COPB1: variants seen among roughly 807,000 people sequenced by gnomAD.
COPB1 encodes the protein coatomer subunit beta.
In COPB1, 21 loss-of-function variants were observed where a neutral mutation model predicts 108.7. The ratio of observed to expected loss-of-function variants is 0.19; its 90% CI spans 0.14 to 0.28. The LOEUF is 0.28. Among genes scored for constraint, COPB1 ranks in the 10% least tolerant of loss-of-function variants. The pLI is 1.00. For missense variants in COPB1, 919 were observed against 1,141.3 expected (o/e 0.81, Z 2.81); for synonymous variants, 378 against 386.8 (o/e 0.98, Z 0.27).
intron 5 of COPB1, among the ~76,000 whole-genome samples, chr11:14,490,081 T>C (rs879685926): frequency 1.6e-4 from 25 of 152,160 alleles, no homozygotes; most frequent in Non-Finnish European, 1.9e-4. Context: ...TACAGAGTAA[T>C]TGCTAACCAA....
chr11:14,479,539 A>G (rs1850610087), intron 11 of COPB1, 30 bp downstream of exon 11: 1 of 1,578,930 alleles, frequency 6.3e-7, no homozygotes, highest in African/African-American at 1.4e-5. Context: ...TGCTTACTTG[A>G]CCTTACATTT....
chr11:14,470,877 A>G (rs2134102456), intron 14 of COPB1, among the ~76,000 whole-genome samples: 1 of 151,232 alleles, frequency 6.6e-6, no homozygotes, highest in Admixed American at 6.6e-5. Context: ...AAAAGGAGAA[A>G]ATCTAAAACC....
intron 6 of COPB1, among the ~76,000 whole-genome samples, chr11:14,487,327 AG>A (rs2075542524): frequency 6.6e-6 from 1 of 152,200 alleles, no homozygotes; most frequent in Non-Finnish European, 1.5e-5. Context: ...ATTAGATAGC[AG>A]GGAACCGCTA....
At chr11:14,482,825 C>T (rs754081986) in intron 8 of COPB1, among the ~76,000 whole-genome samples, 18 of 152,152 alleles carry the variant, frequency 1.2e-4, no homozygotes, top group Non-Finnish European at 2.1e-4. Context: ...CGTGAGCCAC[C>T]GCGTCCAGCC....
At position 14,494,458 on chromosome 11, in the gene COPB1, T is replaced by TAAAAAAA. The variant is rs201780513; in HGVS notation, c.92-26_92-20dup. ...CCTTTTTCTGAATCAAAAATTTTTT[T>TAAAAAAA]AAAAAAAAGCACAATTATTTCAAAA... On this transcript the variant is annotated intron_variant, in intron 2 of 21. Coordinates refer to ENST00000439561, the MANE Select transcript of COPB1 (RefSeq NM_001144061.2). 7.8e-7 allele frequency: 1 copy of TAAAAAAA among 1,275,318 alleles called. No homozygotes were observed. 79.0% of individuals were successfully genotyped at this position (1,275,318 alleles called of 1,614,324 possible). A position where few individuals can be genotyped will look rare whatever the true frequency, so the allele number is the denominator to read the frequency against.
chr11:14,478,902 G>A (rs1850591347), intron 11 of COPB1: 1 of 133,456 alleles, frequency 7.5e-6, no homozygotes, highest in Non-Finnish European at 1.5e-5. Flanking sequence ...TAATGTCATA[G>A]CTCTTTTAAA....
At position 14,486,523 on chromosome 11, in the gene COPB1, A is replaced by G. The variant is rs1166588760; in HGVS notation, c.700-19T>C. ...GACAGACCTGGAGAAGAAAACATTA[A>G]CATTTCAACCGATTTCAGGAACGCT... On this transcript the variant is annotated intron_variant, in intron 6 of 21. Coordinates refer to ENST00000439561, the MANE Select transcript of COPB1 (RefSeq NM_001144061.2). The G allele has an allele frequency of 6.2e-7, 1 of 1,609,260 alleles. No homozygotes were observed. The highest frequency in any genetic ancestry group is 1.7e-5 in the Admixed American group (1 of 59,472).
chr11:14,493,006 CGTG>C (rs1225774232), intron 4 of COPB1, among the ~76,000 whole-genome samples: 1 of 151,970 alleles, frequency 6.6e-6, no homozygotes, highest in Non-Finnish European at 1.5e-5. Flanking sequence ...ATTGGCTGGG[CGTG>C]GTGGTGGGTG....
chr11:14,494,937 A>G (rs1016496775), intron 2 of COPB1, among the ~76,000 whole-genome samples: 1 of 152,236 alleles, frequency 6.6e-6, no homozygotes, highest in Non-Finnish European at 1.5e-5. Flanking sequence ...GCTGAAAACT[A>G]AAGTAGTGGA....
Position 14,468,723 on chromosome 11 carries a change from C to G in COPB1, c.2103G>C (p.Gln701His), listed in dbSNP as rs1329766039. Residue 701 changes from glutamine to histidine, a missense_variant, in exon 16 of 22, where the codon CAG becomes CAC. Transcript: ENST00000439561. The part of the protein sequence containing the change: ...LSLLAAMGNT[Q>H]RKEAADPLAS... ...CTAGGGGATCTGCTGCCTCTTTCCT[C>G]TGTGTGTTACCCATTGCTGCCAGTA... 2 of 1,614,010 alleles carry G rather than the reference C, an allele frequency of 1.2e-6. No individual in the cohort carries two copies. Among genetic ancestry groups the G allele is most frequent in the African/African-American group, 2.7e-5 (2 of 74,926 alleles).
chr11:14,488,617 C>T, intron 5 of COPB1, 33 bp from the exon 6 acceptor site: 2 of 1,412,646 alleles, frequency 1.4e-6, no homozygotes, highest in Non-Finnish European at 2.0e-6. Flanking sequence ...TATCATTCTC[C>T]ACCTCATTCA....
chr11:14,484,740 AAAC>A (rs955978150), intron 7 of COPB1, among the ~76,000 whole-genome samples: 8 of 152,176 alleles, frequency 5.3e-5, no homozygotes, highest in African/African-American at 1.4e-4. Flanking sequence ...CAAAACAAAA[AAAC>A]AACAACAGAA....
chr11:14,490,754 C>G (rs553187858), intron 4 of COPB1, 75 bp from the exon 5 acceptor site: 2 of 719,398 alleles, frequency 2.8e-6, no homozygotes, highest in Admixed American at 3.3e-5. Flanking sequence ...TGGACAATAC[C>G]AAAATTAAAT....
intron 2 of COPB1, among the ~76,000 whole-genome samples, chr11:14,495,574 C>T (rs941013363): frequency 3.3e-5 from 5 of 152,106 alleles, no homozygotes; most frequent in Non-Finnish European, 5.9e-5. Context: ...ATGTTGGCCA[C>T]GCTGGTCTCG....
At chr11:14,477,392 A>AAAAAAAAAAAAAAAAC (rs1850548436) in intron 11 of COPB1, among the ~76,000 whole-genome samples, 1 of 146,206 alleles carries the variant, frequency 6.8e-6, no homozygotes, top group Non-Finnish European at 1.5e-5. Context: ...TCCGTCTCAA[A>AAAAAAAAAAAAAAAAC]AAAAAAAAAA....
chr11:14,465,060 AAT>A (rs1850253375), intron 17 of COPB1, 30 bp from the exon 18 acceptor site: 5 of 1,357,548 alleles, frequency 3.7e-6, no homozygotes, highest in South Asian at 1.2e-5. Flanking sequence ...TATGGTTAAA[AAT>A]ACACACACAC....
intron 18 of COPB1, among the ~76,000 whole-genome samples, 171 bp downstream of exon 18, chr11:14,464,740 C>G (rs546621088): frequency 1.3e-5 from 2 of 152,242 alleles, no homozygotes; most frequent in South Asian, 4.1e-4. Flanking sequence ...CTATCTGGTT[C>G]ATTTCTGTAC....
At chr11:14,499,317 C>T (rs1215017691) in intron 1 of COPB1, among the ~76,000 whole-genome samples, 1 of 152,134 alleles carries the variant, frequency 6.6e-6, no homozygotes, top group Non-Finnish European at 1.5e-5. Context: ...AGTTAAGAGA[C>T]CTTGTGCCTG....
intron 4 of COPB1, 78 bp downstream of exon 4, chr11:14,493,564 A>G (rs1174155398): frequency 5.5e-6 from 7 of 1,270,058 alleles, no homozygotes; most frequent in Non-Finnish European, 7.4e-6. Context: ...TCAGTCTGCA[A>G]GCAACCACTT....
Sources: gnomAD v4.1 joint callset for allele counts (sites outside exome capture counted in the v4.1 genomes callset) on GRCh38, gnomAD v4.1.1 for gene constraint, MANE v1.5 for transcripts, NCBI Gene and HGNC (gene_info 2026-07-23, HGNC 2026-07-21) for gene names.